ZNF292: variants seen among roughly 807,000 people sequenced by gnomAD.
The protein encoded by ZNF292 is zinc finger protein 292.
A neutral mutation model predicts 217.9 loss-of-function variants in ZNF292; 26 were observed. That is an observed-to-expected ratio of 0.12 (90% CI 0.09 to 0.17). The LOEUF (loss-of-function observed/expected upper bound fraction) is 0.17, where lower values mean the gene tolerates loss of function less well. Ranked by LOEUF, ZNF292 falls within the 10% of genes least tolerant of loss-of-function variation. ZNF292 has a pLI of 1.00. For synonymous variants in ZNF292, 1,257 were observed against 1,124.1 expected (o/e 1.12, Z -2.37); for missense variants, 2,904 against 3,175.2 (o/e 0.91, Z 2.05).
intron 4 of ZNF292, among the ~76,000 whole-genome samples, chr6:87,228,489 C>G (rs185554635): frequency 2.6e-5 from 4 of 152,108 alleles, no homozygotes; most frequent in African/African-American, 9.7e-5. Flanking sequence ...GGTGTCATAG[C>G]CAAGAAATCA....
chr6:87,174,630 T>C (rs548810457), intron 1 of ZNF292, among the ~76,000 whole-genome samples: 2 of 152,268 alleles, frequency 1.3e-5, no homozygotes, highest in East Asian at 3.9e-4. Flanking sequence ...TGTCCTAGAG[T>C]CATAATAAAG....
At position 87,261,258 on chromosome 6, in the gene ZNF292, A is replaced by G. The variant is rs776126717; in HGVS notation, c.7629A>G (p.Lys2543=). 1 of 1,610,366 alleles carries G rather than the reference A, an allele frequency of 6.2e-7. No individual in the cohort carries two copies. Among genetic ancestry groups the G allele is most frequent in the Non-Finnish European group, 8.5e-7 (1 of 1,178,940 alleles). ...AGGAAAAAAATGTCTCACAAAATAA[A>G]AAAAGGAAAGTTGAAAAAGCTGAAC... The part of the protein sequence containing the change: ...VNKEKNVSQN[K]KRKVEKAEPA... The change falls in exon 8 of 8, where the codon AAA becomes AAG. Residue 2543 remains lysine, a synonymous_variant. Coordinates refer to ENST00000369577, the MANE Select transcript of ZNF292 (RefSeq NM_015021.3).
intron 7 of ZNF292, among the ~76,000 whole-genome samples, chr6:87,247,756 TTAAA>T (rs1462854605): frequency 6.6e-6 from 1 of 152,206 alleles, no homozygotes; most frequent in African/African-American, 2.4e-5. Flanking sequence ...GCCTAATACT[TTAAA>T]TAATATAATT....
rs772751574 is a variant in ZNF292, at chr6:87,218,741, C to T, written c.538+10C>T. ...TTGGATAAGGATAAAGGTAAATTTT[C>T]GAGAGACAGAGAAAAAAAAGAATAA... On this transcript the variant is annotated intron_variant, in intron 4 of 7. Coordinates refer to ENST00000369577, the MANE Select transcript of ZNF292 (RefSeq NM_015021.3). The T allele has an allele frequency of 6.0e-5, 93 of 1,557,688 alleles. 1 individual carries two copies. In the African/African-American group the frequency reaches 7.2e-4, roughly 12 times the overall value.
chr6:87,253,436 C>CA (rs1219316689), intron 7 of ZNF292, among the ~76,000 whole-genome samples: 1 of 151,818 alleles, frequency 6.6e-6, no homozygotes, highest in Non-Finnish European at 1.5e-5. Flanking sequence ...CCCTATGTTG[C>CA]CCAGGTTGGT....
At chr6:87,224,942 C>T (rs1414318086) in intron 4 of ZNF292, among the ~76,000 whole-genome samples, 1 of 152,086 alleles carries the variant, frequency 6.6e-6, no homozygotes, top group African/African-American at 2.4e-5. Flanking sequence ...TGAAAAAAAA[C>T]TGTCTTCTAA....
intron 1 of ZNF292, among the ~76,000 whole-genome samples, chr6:87,182,104 T>G (rs1771490310): frequency 1.3e-5 from 2 of 152,216 alleles, no homozygotes; most frequent in African/African-American, 4.8e-5. Flanking sequence ...ACAGGGCATA[T>G]TTGGGTCACT....
intron 1 of ZNF292, among the ~76,000 whole-genome samples, chr6:87,196,624 C>T (rs530428404): frequency 6.6e-6 from 1 of 152,326 alleles, no homozygotes; most frequent in South Asian, 2.1e-4. Flanking sequence ...TATGCACTTA[C>T]TCAAAGTTGA....
chr6:87,257,808 C>T lies in ZNF292; in HGVS notation c.4179C>T (p.His1393=). 1.9e-6 allele frequency: 3 copies of T among 1,613,818 alleles called. No homozygotes were observed. Among genetic ancestry groups the T allele is most frequent in the Non-Finnish European group, 2.5e-6 (3 of 1,179,810 alleles). Residue 1393 remains histidine, a synonymous_variant, in exon 8 of 8, where the codon CAC becomes CAT. Transcript: ENST00000369577. ...AFTNPRSLGG[H]LSKRSYCKPL... The stretch of plus-strand genomic sequence containing the variant: ...CTAATCCCAGATCACTGGGTGGGCA[C>T]TTATCCAAGCGATCTTACTGTAAAC...
intron 1 of ZNF292, among the ~76,000 whole-genome samples, chr6:87,176,146 A>C (rs904933695): frequency 3.3e-5 from 5 of 152,188 alleles, no homozygotes; most frequent in Admixed American, 2.0e-4. Context: ...TGGCTGAGTC[A>C]CCTTTAACAG....
Position 87,258,758 on chromosome 6 carries a change from T to C in ZNF292, c.5129T>C (p.Leu1710Pro). 1 of 1,613,572 alleles carries C rather than the reference T, an allele frequency of 6.2e-7. No homozygotes were observed. Among genetic ancestry groups the C allele is most frequent in the Non-Finnish European group, 8.5e-7 (1 of 1,179,714 alleles). ...GTAAAAGAGAATTTCAAAACCAGTC[T>C]TGAGTCCCATACAGTGTTAGCCCCT... ...TDVKENFKTS[L>P]ESHTVLAPLT... Residue 1710 changes from leucine to proline, a missense_variant, in exon 8 of 8, where the codon CTT becomes CCT. Physicochemically the swap from Leu to Pro is moderately conservative, Grantham distance 98. Around this residue, in one of 15 missense-constraint regions of ZNF292, gnomAD observed 622 missense variants for 573.1 expected, o/e 1.09. Coordinates refer to ENST00000369577, the MANE Select transcript of ZNF292 (RefSeq NM_015021.3).
intron 4 of ZNF292, among the ~76,000 whole-genome samples, chr6:87,232,807 A>G (rs1203580152): frequency 6.6e-6 from 1 of 152,096 alleles, no homozygotes; most frequent in Non-Finnish European, 1.5e-5. Flanking sequence ...TTCATTATAA[A>G]ACATCTATTT....
chr6:87,231,673 A>C (rs1374141513), intron 4 of ZNF292, among the ~76,000 whole-genome samples: 1 of 152,206 alleles, frequency 6.6e-6, no homozygotes, highest in Non-Finnish European at 1.5e-5. Flanking sequence ...TTCTAACTTA[A>C]ATGCTGCTAT....
intron 4 of ZNF292, among the ~76,000 whole-genome samples, chr6:87,220,305 G>C (rs776970784): frequency 2.0e-5 from 3 of 152,130 alleles, no homozygotes; most frequent in Non-Finnish European, 4.4e-5. Flanking sequence ...CAAATTACAA[G>C]TTCCTCACAG....
At chr6:87,197,659 C>T (rs1771989246) in intron 1 of ZNF292, among the ~76,000 whole-genome samples, 1 of 146,386 alleles carries the variant, frequency 6.8e-6, no homozygotes, top group African/African-American at 2.6e-5. Context: ...ATTGCTTGAA[C>T]CCCAGAGGCG....
chr6:87,201,091 A>G (rs886968909), intron 1 of ZNF292, among the ~76,000 whole-genome samples: 2 of 152,210 alleles, frequency 1.3e-5, no homozygotes, highest in Non-Finnish European at 2.9e-5. Context: ...CAACATACTC[A>G]GAAGTAAAAA....
At chr6:87,232,224 C>T (rs1334184595) in intron 4 of ZNF292, among the ~76,000 whole-genome samples, 5 of 152,044 alleles carry the variant, frequency 3.3e-5, no homozygotes, top group Non-Finnish European at 7.4e-5. Context: ...GAGCCATGAT[C>T]ATAGCATTTT....
chr6:87,235,973 AAAAGTC>A (rs1170549913), intron 5 of ZNF292, among the ~76,000 whole-genome samples: 1 of 152,204 alleles, frequency 6.6e-6, no homozygotes, highest in East Asian at 1.9e-4. Context: ...TTACTTTGTT[AAAAGTC>A]CTTTTTTGCT....
At chr6:87,194,541 A>C (rs182826142) in intron 1 of ZNF292, among the ~76,000 whole-genome samples, 1 of 152,300 alleles carries the variant, frequency 6.6e-6, no homozygotes, top group Non-Finnish European at 1.5e-5. Context: ...GGGGGGAGGA[A>C]CTAAGTTTGC....
Sources: gnomAD v4.1 joint callset for allele counts (sites outside exome capture counted in the v4.1 genomes callset) on GRCh38, gnomAD v4.1.1 for gene constraint, gnomAD v4.1.1 regional missense constraint, MANE v1.5 for transcripts, NCBI Gene and HGNC (gene_info 2026-07-23, HGNC 2026-07-21) for gene names.